Variants in FHIT observed in about 807,000 individuals in gnomAD.
The protein encoded by FHIT is fragile histidine triad diadenosine triphosphatase, also known as bis(5'-adenosyl)-triphosphatase.
In FHIT, 19 loss-of-function variants were observed where a neutral mutation model predicts 17.9. That is an observed-to-expected ratio of 1.06 (90% CI 0.74 to 1.56). The LOEUF (loss-of-function observed/expected upper bound fraction) is 1.56, where lower values mean the gene tolerates loss of function less well. Ranked by LOEUF, FHIT falls within the 40% of genes most tolerant of loss-of-function variation. The pLI is 0.00. For synonymous variants in FHIT, 81 were observed against 69.7 expected (o/e 1.16, Z -0.81); for missense variants, 248 against 189.2 (o/e 1.31, Z -1.82).
intron 4 of FHIT, among the ~76,000 whole-genome samples, chr3:60,711,516 G>A (rs1347366548): frequency 1.9e-4 from 29 of 152,122 alleles, no homozygotes; most frequent in African/African-American, 7.0e-4. Context: ...CAAAGAAGTT[G>A]AAAACTTTGA....
At chr3:60,890,809 TA>T (rs1208716096) in intron 3 of FHIT, among the ~76,000 whole-genome samples, 1 of 152,204 alleles carries the variant, frequency 6.6e-6, no homozygotes, top group Admixed American at 6.5e-5. Context: ...AACATGGAGT[TA>T]GTTATGTCTT....
At chr3:60,396,309 T>A (rs1701437153) in intron 5 of FHIT, among the ~76,000 whole-genome samples, 1 of 152,198 alleles carries the variant, frequency 6.6e-6, no homozygotes, top group South Asian at 2.1e-4. Flanking sequence ...CATATAGGGA[T>A]CTAGAGAAAA....
At chr3:60,070,707 G>GTGCCTCTGTTCAATATAAGGA (rs1702729493) in intron 5 of FHIT, among the ~76,000 whole-genome samples, 2 of 152,190 alleles carry the variant, frequency 1.3e-5, no homozygotes, top group African/African-American at 4.8e-5. Context: ...GCGAGGCAGG[G>GTGCCTCTGTTCAATATAAGGA]TGCCTCTGTT....
intron 5 of FHIT, among the ~76,000 whole-genome samples, chr3:60,072,337 C>T (rs576056563): frequency 2.2e-4 from 33 of 152,256 alleles, no homozygotes; most frequent in Admixed American, 5.2e-4. Flanking sequence ...AAGAACATCA[C>T]GCAAGGTGTC....
At chr3:60,636,362 C>T (rs932853454) in intron 4 of FHIT, among the ~76,000 whole-genome samples, 2 of 152,148 alleles carry the variant, frequency 1.3e-5, no homozygotes, top group African/African-American at 4.8e-5. Flanking sequence ...AGCCATCACG[C>T]CTGGCCAGAA....
intron 2 of FHIT, among the ~76,000 whole-genome samples, chr3:61,110,073 C>T (rs2036111016): frequency 6.6e-6 from 1 of 152,162 alleles, no homozygotes; most frequent in African/African-American, 2.4e-5. Flanking sequence ...TAGGAGCCTG[C>T]TAAAACCTAA....
chr3:60,217,650 T>C (rs558336076), intron 5 of FHIT, among the ~76,000 whole-genome samples: 9 of 152,264 alleles, frequency 5.9e-5, no homozygotes, highest in Admixed American at 2.6e-4. Context: ...TCCCAGCTTC[T>C]CTCTGGCTTC....
chr3:61,038,234 G>A (rs1030947767), intron 3 of FHIT, among the ~76,000 whole-genome samples: 6 of 152,102 alleles, frequency 3.9e-5, no homozygotes, highest in East Asian at 1.9e-4. Flanking sequence ...CCTAATAAAC[G>A]TAGTAAAGAC....
intron 5 of FHIT, among the ~76,000 whole-genome samples, chr3:60,424,130 A>G (rs895893442): frequency 3.0e-4 from 46 of 152,240 alleles, no homozygotes; most frequent in African/African-American, 1.1e-3. Context: ...GGTGATTACT[A>G]CTTTTATTTT....
chr3:60,054,299 C>T (rs1469792337), intron 5 of FHIT, among the ~76,000 whole-genome samples: 2 of 152,098 alleles, frequency 1.3e-5, no homozygotes, highest in African/African-American at 4.8e-5. Context: ...TTTTCAAGCA[C>T]AAAGTTAAAA....
At chr3:59,928,140 C>G (rs540643819) in intron 7 of FHIT, among the ~76,000 whole-genome samples, 1 of 152,276 alleles carries the variant, frequency 6.6e-6, no homozygotes, top group East Asian at 1.9e-4. Context: ...CTCACATGTG[C>G]CAATGAGCAA....
At chr3:60,020,884 G>C (rs1326297134) in intron 5 of FHIT, among the ~76,000 whole-genome samples, 1 of 152,118 alleles carries the variant, frequency 6.6e-6, no homozygotes, top group Admixed American at 6.5e-5. Flanking sequence ...GCACTTTGAT[G>C]GATTTTCATA....
chr3:61,108,226 A>C (rs973531146), intron 2 of FHIT, among the ~76,000 whole-genome samples: 3 of 152,158 alleles, frequency 2.0e-5, no homozygotes, highest in African/African-American at 7.2e-5. Flanking sequence ...ATGTTCACTA[A>C]CCCATACAGC....
chr3:60,002,470 T>C (rs759727035), intron 7 of FHIT, among the ~76,000 whole-genome samples: 1 of 152,186 alleles, frequency 6.6e-6, no homozygotes, highest in African/African-American at 2.4e-5. Context: ...CCTCATGACA[T>C]GGGAAGTTAA....
intron 2 of FHIT, among the ~76,000 whole-genome samples, chr3:61,140,036 AAAT>A (rs1415382571): frequency 1.1e-4 from 16 of 151,852 alleles, no homozygotes; most frequent in Non-Finnish European, 2.2e-4. Context: ...AAAAAAAAAA[AAAT>A]AAGAAACAAT....
rs1265688580 is a variant in FHIT, at chr3:59,747,734, G to C, written c.*1851C>G. Among the ~76,000 whole-genome samples the C allele has an allele frequency of 1.3e-5, 2 of 152,038 alleles. No homozygotes were observed. Among genetic ancestry groups the C allele is most frequent in the Non-Finnish European group, 2.9e-5 (2 of 68,000 alleles). ...ACTGAGATTTGACCCATCAGCCCTA[G>C]GGAAGCTGACTCTTTGGTTTTCCCC... On this transcript the variant is annotated 3_prime_UTR_variant, in exon 10 of 10. Transcript: ENST00000492590.
chr3:59,982,793 C>T (rs766575235), intron 7 of FHIT, among the ~76,000 whole-genome samples: 8 of 152,058 alleles, frequency 5.3e-5, no homozygotes, highest in Non-Finnish European at 1.2e-4. Flanking sequence ...GCACATCAGC[C>T]CCAGTCCCTA....
At chr3:61,069,368 T>A (rs2034724229) in intron 2 of FHIT, among the ~76,000 whole-genome samples, 2 of 152,158 alleles carry the variant, frequency 1.3e-5, no homozygotes, top group South Asian at 4.1e-4. Context: ...GATGTCTAGG[T>A]CACACACCCC....
At chr3:60,500,582 C>G (rs1441102526) in intron 5 of FHIT, among the ~76,000 whole-genome samples, 2 of 151,210 alleles carry the variant, frequency 1.3e-5, no homozygotes, top group African/African-American at 4.9e-5. Flanking sequence ...CCAGCCTGGT[C>G]AACATGGTAA....
Sources: gnomAD v4.1 joint callset for allele counts (sites outside exome capture counted in the v4.1 genomes callset) on GRCh38, gnomAD v4.1.1 for gene constraint, MANE v1.5 for transcripts, NCBI Gene and HGNC (gene_info 2026-07-23, HGNC 2026-07-21) for gene names.